Variants in RANBP2 observed in about 807,000 individuals in gnomAD.
RANBP2 encodes the protein E3 SUMO-protein ligase RanBP2.
A neutral mutation model predicts 303.6 loss-of-function variants in RANBP2; 57 were observed. The ratio of observed to expected loss-of-function variants is 0.19; its 90% CI spans 0.15 to 0.23. RANBP2 has a LOEUF of 0.23. Among genes scored for constraint, RANBP2 ranks in the 10% least tolerant of loss-of-function variants. The probability of loss-of-function intolerance (pLI) is 1.00; values close to 1 mark genes in which losing one functional copy is unlikely to be tolerated. For synonymous variants in RANBP2, 1,167 were observed against 1,301.5 expected (o/e 0.90, Z 2.23); for missense variants, 3,138 against 3,780.8 (o/e 0.83, Z 4.46).
chr2:108,859,852 A>G, the RANBP2 span, among the ~76,000 whole-genome samples: 5 of 151,880 alleles, frequency 3.3e-5, no homozygotes, highest in Admixed American at 1.3e-4. Flanking sequence ...AATGTTGGTA[A>G]TTTGATAGGA....
chr2:109,025,798 GAAAA>G, the RANBP2 span, among the ~76,000 whole-genome samples: 1 of 104,504 alleles, frequency 9.6e-6, no homozygotes, highest in Non-Finnish European at 2.0e-5. Flanking sequence ...ACTCCGTCTC[GAAAA>G]AAAAAAAAAA....
the RANBP2 span, among the ~76,000 whole-genome samples, chr2:109,052,432 T>C: frequency 6.6e-6 from 1 of 152,242 alleles, no homozygotes; most frequent in Non-Finnish European, 1.5e-5. Context: ...ATATTACATT[T>C]ATACTTTTGG....
At chr2:108,746,148 TC>T (rs1417310737) in intron 7 of RANBP2, among the ~76,000 whole-genome samples, 2 of 150,496 alleles carry the variant, frequency 1.3e-5, no homozygotes, top group Non-Finnish European at 2.9e-5. Context: ...GCTCAAGCGA[TC>T]CCCCCACCTT....
the RANBP2 span, among the ~76,000 whole-genome samples, chr2:109,074,882 A>G: frequency 1.4e-5 from 2 of 147,436 alleles, no homozygotes; most frequent in Non-Finnish European, 3.0e-5. Flanking sequence ...TTAGCTGGGC[A>G]TGGTGGTGGG....
chr2:109,572,553 T>C, the RANBP2 span, among the ~76,000 whole-genome samples: 1 of 151,176 alleles, frequency 6.6e-6, no homozygotes, highest in Non-Finnish European at 1.5e-5. Context: ...TCCTAACCCC[T>C]CTTGACTGCC....
the RANBP2 span, among the ~76,000 whole-genome samples, chr2:108,925,300 T>C: frequency 1.3e-5 from 2 of 152,344 alleles, no homozygotes; most frequent in African/African-American, 4.8e-5. Context: ...GATGCTGAGG[T>C]GGACAGAGGC....
At chr2:108,811,245 C>CTTTTTTTTTTTTTTTTTTTTTTTTTTTTT in the RANBP2 span, among the ~76,000 whole-genome samples, 1 of 109,628 alleles carries the variant, frequency 9.1e-6, no homozygotes, top group Non-Finnish European at 1.7e-5. Flanking sequence ...CTTTCTCTCT[C>CTTTTTTTTTTTTTTTTTTTTTTTTTTTTT]TCTTTTTTTT....
the RANBP2 span, among the ~76,000 whole-genome samples, chr2:109,508,959 C>T: frequency 2.6e-5 from 4 of 152,214 alleles, no homozygotes; most frequent in Non-Finnish European, 5.9e-5. Flanking sequence ...GGTCCCAGAG[C>T]GCTTCCTCTG....
chr2:108,838,184 T>C, the RANBP2 span, among the ~76,000 whole-genome samples: 9 of 152,142 alleles, frequency 5.9e-5, no homozygotes, highest in Non-Finnish European at 7.3e-5. Flanking sequence ...TGGCTCTGAA[T>C]TGGTTAATTT....
chr2:109,711,262 C>G, the RANBP2 span, among the ~76,000 whole-genome samples: 1 of 151,934 alleles, frequency 6.6e-6, no homozygotes, highest in South Asian at 2.1e-4. Context: ...CCTTCTTGAG[C>G]CCACTTCTCC....
At chr2:109,066,239 G>A in the RANBP2 span, among the ~76,000 whole-genome samples, 1 of 152,080 alleles carries the variant, frequency 6.6e-6, no homozygotes, top group Non-Finnish European at 1.5e-5. Context: ...CTACTGAGTA[G>A]CTAGAATTAC....
the RANBP2 span, among the ~76,000 whole-genome samples, chr2:108,834,933 T>C: frequency 1.3e-5 from 2 of 152,266 alleles, no homozygotes; most frequent in African/African-American, 4.8e-5. Flanking sequence ...TGTATATCAC[T>C]ATTGGAGATT....
the RANBP2 span, chr2:109,419,561 C>G: frequency 3.8e-6 from 6 of 1,598,322 alleles, no homozygotes; most frequent in Non-Finnish European, 5.1e-6. Flanking sequence ...TCGGCGGGAT[C>G]TACCCCCACG....
chr2:109,196,931 G>A, the RANBP2 span, among the ~76,000 whole-genome samples: 2 of 152,158 alleles, frequency 1.3e-5, no homozygotes, highest in Admixed American at 6.6e-5. Flanking sequence ...TGAGTAGTGC[G>A]AAGGCTTCCC....
chr2:109,262,155 G>A, the RANBP2 span, among the ~76,000 whole-genome samples: 1 of 152,184 alleles, frequency 6.6e-6, no homozygotes, highest in Non-Finnish European at 1.5e-5. Flanking sequence ...CAGTGCTGGG[G>A]TCTTTCCTGT....
chr2:109,539,509 T>A, the RANBP2 span, among the ~76,000 whole-genome samples: 1 of 151,462 alleles, frequency 6.6e-6, no homozygotes, highest in Non-Finnish European at 1.5e-5. Flanking sequence ...AGTGGCACGA[T>A]CTTGGCTCAC....
chr2:108,831,744 C>G, the RANBP2 span, among the ~76,000 whole-genome samples: 1 of 151,928 alleles, frequency 6.6e-6, no homozygotes, highest in African/African-American at 2.4e-5. Context: ...TTCCGTCCTT[C>G]CTGTTGAAAC....
intron 8 of RANBP2, among the ~76,000 whole-genome samples, chr2:108,747,102 G>T (rs1258246909): frequency 3.3e-5 from 5 of 152,154 alleles, no homozygotes; most frequent in African/African-American, 1.2e-4. Flanking sequence ...TTATTGGTTT[G>T]CCAACCATTT....
At chr2:109,176,471 C>G in the RANBP2 span, among the ~76,000 whole-genome samples, 1 of 152,100 alleles carries the variant, frequency 6.6e-6, no homozygotes, top group East Asian at 1.9e-4. Context: ...ATGGCTCATG[C>G]CTCTAATCCT....
Sources: allele counts gnomAD v4.1 joint callset (sites outside exome capture counted in the v4.1 genomes callset), GRCh38; gene constraint gnomAD v4.1.1; transcripts MANE v1.5; gene names NCBI Gene and HGNC (gene_info 2026-07-23, HGNC 2026-07-21).